Variants in PABPC4L observed in about 807,000 individuals in gnomAD.
The protein encoded by PABPC4L is poly(A) binding protein cytoplasmic 4 like.
For missense variants in PABPC4L, 452 were observed against 451.4 expected (o/e 1.00, Z -0.01); for synonymous variants, 169 against 164.1 (o/e 1.03, Z -0.23).
chr4:134,180,581 T>C, the PABPC4L span, among the ~76,000 whole-genome samples: 4 of 151,628 alleles, frequency 2.6e-5, no homozygotes, highest in Admixed American at 6.6e-5. Context: ...AAGAGATCAG[T>C]GAATCTAGGA....
At chr4:134,012,286 C>T in the PABPC4L span, among the ~76,000 whole-genome samples, 1 of 152,092 alleles carries the variant, frequency 6.6e-6, no homozygotes, top group Non-Finnish European at 1.5e-5. Context: ...TGGCCAGTTC[C>T]TGACTTAACT....
the PABPC4L span, among the ~76,000 whole-genome samples, chr4:133,986,846 C>T: frequency 6.6e-6 from 1 of 152,072 alleles, no homozygotes; most frequent in African/African-American, 2.4e-5. Context: ...AGGAATTCTC[C>T]TGCCTCAGCC....
At chr4:134,160,217 G>T in the PABPC4L span, among the ~76,000 whole-genome samples, 1 of 152,118 alleles carries the variant, frequency 6.6e-6, no homozygotes, top group South Asian at 2.1e-4. Flanking sequence ...GGCTGTGGTG[G>T]CCATGAAGAT....
At chr4:134,061,620 CAGAGAGAGAG>C in the PABPC4L span, among the ~76,000 whole-genome samples, 63,567 of 143,220 alleles carry the variant, frequency 0.44, 14,559 homozygotes, top group East Asian at 0.81. Context: ...CAAACATACA[CAGAGAGAGAG>C]AGAGAGAGAG....
the PABPC4L span, among the ~76,000 whole-genome samples, chr4:134,074,157 C>G: frequency 3.9e-5 from 6 of 152,166 alleles, no homozygotes; most frequent in Non-Finnish European, 7.4e-5. Context: ...CTTTTATGCT[C>G]TGCTTCCTCT....
the PABPC4L span, among the ~76,000 whole-genome samples, chr4:134,114,460 C>A: frequency 4.0e-5 from 6 of 151,572 alleles, no homozygotes; most frequent in African/African-American, 1.5e-4. Flanking sequence ...TGGGGTATAA[C>A]CTTATAAGGG....
rs1729739188 is a variant in PABPC4L at position 134,198,552 on chromosome 4, AG to A, written c.*1354del. On this transcript the variant is annotated 3_prime_UTR_variant, in exon 2 of 2. Transcript: ENST00000421491. ...ATAGTTATGAGAAAAAACTAAGCCA[AG>A]TAAAAATATGAAAACAGTAAAAACA... 1 of 151,866 alleles carries A rather than the reference AG, an allele frequency of 6.6e-6. No individual in the cohort carries two copies. Among genetic ancestry groups the A allele is most frequent in the Admixed American group, 6.6e-5 (1 of 15,248 alleles). 9.4% of individuals were successfully genotyped at this position (151,866 alleles called of 1,614,324 possible). A position where few individuals can be genotyped will look rare whatever the true frequency, so the allele number is the denominator to read the frequency against.
the PABPC4L span, among the ~76,000 whole-genome samples, chr4:134,002,115 CATA>C: frequency 0.28 from 42,220 of 151,444 alleles, 8,592 homozygotes; most frequent in African/African-American, 0.53. Flanking sequence ...TTCTTCAGAT[CATA>C]ATAATAATTT....
the PABPC4L span, among the ~76,000 whole-genome samples, chr4:134,061,127 C>T: frequency 6.4e-4 from 97 of 151,778 alleles, no homozygotes; most frequent in African/African-American, 2.2e-3. Context: ...GTGATGAATA[C>T]CTCATTTACC....
At chr4:134,054,268 A>ATG in the PABPC4L span, among the ~76,000 whole-genome samples, 14 of 143,330 alleles carry the variant, frequency 9.8e-5, no homozygotes, top group African/African-American at 3.5e-4. Context: ...ATATATATAT[A>ATG]TATATATATA....
chr4:134,008,534 A>G, the PABPC4L span, among the ~76,000 whole-genome samples: 3 of 151,840 alleles, frequency 2.0e-5, no homozygotes, highest in Admixed American at 6.6e-5. Flanking sequence ...TAAAAATTAA[A>G]TTATAGAAAG....
chr4:134,111,925 T>C, the PABPC4L span, among the ~76,000 whole-genome samples: 1 of 152,130 alleles, frequency 6.6e-6, no homozygotes, highest in East Asian at 1.9e-4. Context: ...CAAATTTTTA[T>C]AGAATTTTGA....
At chr4:134,002,432 G>T in the PABPC4L span, among the ~76,000 whole-genome samples, 1 of 151,972 alleles carries the variant, frequency 6.6e-6, no homozygotes, top group Non-Finnish European at 1.5e-5. Context: ...AATTTAAAAT[G>T]AATGCTAATA....
chr4:134,150,311 T>G, the PABPC4L span, among the ~76,000 whole-genome samples: 6 of 152,172 alleles, frequency 3.9e-5, no homozygotes, highest in South Asian at 1.2e-3. Flanking sequence ...CTCAAACTCC[T>G]GATCTCACTT....
the PABPC4L span, among the ~76,000 whole-genome samples, chr4:134,073,730 G>A: frequency 1.3e-5 from 2 of 152,158 alleles, no homozygotes; most frequent in Non-Finnish European, 2.9e-5. Context: ...CTAGGCAGAG[G>A]TTCCCAAATC....
the PABPC4L span, among the ~76,000 whole-genome samples, chr4:134,104,633 G>A: frequency 6.6e-6 from 1 of 151,562 alleles, no homozygotes. Flanking sequence ...GCCAAAATAT[G>A]GTGCCTCTTC....
the PABPC4L span, among the ~76,000 whole-genome samples, chr4:134,189,746 AT>A: frequency 6.6e-6 from 1 of 151,740 alleles, no homozygotes; most frequent in Non-Finnish European, 1.5e-5. Context: ...AAATGCTTTC[AT>A]TTTTCTTTTT....
chr4:134,174,001 A>T, the PABPC4L span, among the ~76,000 whole-genome samples: 1 of 152,154 alleles, frequency 6.6e-6, no homozygotes, highest in Admixed American at 6.5e-5. Context: ...TATTTAGTAC[A>T]GCTGTACAAA....
chr4:134,092,936 T>A, the PABPC4L span, among the ~76,000 whole-genome samples: 1 of 152,250 alleles, frequency 6.6e-6, no homozygotes, highest in Admixed American at 6.5e-5. Context: ...GAAATTTGAC[T>A]ATATAAGAAT....
Sources: gnomAD v4.1 joint callset for allele counts (sites outside exome capture counted in the v4.1 genomes callset) on GRCh38, gnomAD v4.1.1 for gene constraint, MANE v1.5 for transcripts, NCBI Gene and HGNC (gene_info 2026-07-23, HGNC 2026-07-21) for gene names.